CHM: variants seen among roughly 807,000 people sequenced by gnomAD.
The protein encoded by CHM is rab proteins geranylgeranyltransferase component A 1.
Under a neutral mutation model 49.0 loss-of-function variants are expected in CHM, and 10 were observed. The observed-to-expected ratio is 0.20, with a 90% CI of 0.13 to 0.35. CHM has a LOEUF of 0.35. CHM is among the 10% of genes least tolerant of loss of function. The pLI, the probability that CHM is intolerant of heterozygous loss-of-function variation, is 1.00. For synonymous variants in CHM, 184 were observed against 167.5 expected (o/e 1.10, Z -0.76); for missense variants, 455 against 478.4 (o/e 0.95, Z 0.46).
intron 13 of CHM, among the ~76,000 whole-genome samples, chrX:85,875,857 A>G (rs1924384049): frequency 1.8e-5 from 2 of 111,872 alleles, no homozygotes; most frequent in Non-Finnish European, 1.9e-5. Flanking sequence ...CGACTTCAGT[A>G]AAGTTTTAGG....
chrX:85,919,128 A>C, intron 8 of CHM, among the ~76,000 whole-genome samples: 1 of 112,549 alleles, frequency 8.9e-6, no homozygotes, highest in South Asian at 3.7e-4. Flanking sequence ...CATTAGATAA[A>C]ACTTCATATT....
At chrX:85,933,670 T>A in intron 8 of CHM, among the ~76,000 whole-genome samples, 1 of 112,361 alleles carries the variant, frequency 8.9e-6, no homozygotes, top group Middle Eastern at 4.6e-3. Context: ...TCTATGCAGA[T>A]AGGACCACAA....
intron 2 of CHM, among the ~76,000 whole-genome samples, chrX:86,000,636 T>C (rs887555382): frequency 9.0e-6 from 1 of 111,309 alleles, no homozygotes; most frequent in Non-Finnish European, 1.9e-5. Context: ...AGAAATATTG[T>C]ATATATACAC....
chrX:86,039,124 G>A (rs989882241), intron 1 of CHM, among the ~76,000 whole-genome samples: 14 of 112,043 alleles, frequency 1.2e-4, no homozygotes, highest in African/African-American at 1.6e-4. Context: ...GCTTATCACC[G>A]TGCTTGGCAT....
At position 85,978,790 on chromosome X, in the gene CHM, A is replaced by G. The variant is rs746950182; in HGVS notation, c.291T>C (p.His97=). The G allele has an allele frequency of 8.3e-7, 1 of 1,205,650 alleles. No homozygotes were observed. The highest frequency in any genetic ancestry group is 2.2e-5 in the Admixed American group (1 of 45,883). Residue 97 remains histidine, a synonymous_variant, in exon 4 of 15, where the codon CAT becomes CAC. Coordinates refer to ENST00000357749, the MANE Select transcript of CHM (RefSeq NM_000390.4). ...ACCTGGCATAACAAAATACTTCCAC[A>G]TGTTGAATAGTTTTGTCCTTCCTGC... ...ALSRKDKTIQ[H]VEVFCYASQD... is the part of the protein sequence containing the mutation.
intron 2 of CHM, among the ~76,000 whole-genome samples, chrX:85,984,094 C>G (rs1199142674): frequency 9.1e-6 from 1 of 110,031 alleles, no homozygotes; most frequent in East Asian, 2.8e-4. Context: ...CCCAGCTACT[C>G]AGGAGGCTGA....
intron 8 of CHM, among the ~76,000 whole-genome samples, chrX:85,928,165 C>T (rs919254408): frequency 2.7e-5 from 3 of 112,197 alleles, no homozygotes; most frequent in Non-Finnish European, 5.6e-5. Flanking sequence ...TGTGTGGACA[C>T]AATGAAAGTG....
At position 86,047,461 on chromosome X, in the gene CHM, A is replaced by G. The variant is rs766247974; in HGVS notation, c.49+23T>C. The G allele has an allele frequency of 5.0e-6, 6 of 1,196,134 alleles. No homozygotes were observed. In the Admixed American group the frequency reaches 1.3e-4, roughly 26 times the overall value. Reference sequence around the variant, plus strand: ...AAGACAGTCTTCCTAAACTTTGTCCAGGAAGCACCAGGCTACACATACCCG... The same window carrying G: ...AAGACAGTCTTCCTAAACTTTGTCCGGGAAGCACCAGGCTACACATACCCG... On this transcript the variant is annotated intron_variant, in intron 1 of 14. Transcript: ENST00000357749.
chrX:86,030,548 T>C (rs185977743), intron 1 of CHM, among the ~76,000 whole-genome samples: 4 of 110,891 alleles, frequency 3.6e-5, no homozygotes, highest in African/African-American at 1.3e-4. Context: ...TAGTGAGAGG[T>C]TGCCATACGT....
At chrX:85,943,179 C>G (rs1398056204) in intron 8 of CHM, among the ~76,000 whole-genome samples, 1 of 110,073 alleles carries the variant, frequency 9.1e-6, no homozygotes, top group Non-Finnish European at 1.9e-5. Context: ...ATCTACTCAT[C>G]TGACAAAGGG....
At position 85,863,493 on chromosome X, in the gene CHM, T is replaced by C. The variant is rs1301968123; in HGVS notation, c.*1137A>G. 8.9e-6 allele frequency: 1 copy of C among 112,141 alleles called. No individual in the cohort carries two copies. The highest frequency in any genetic ancestry group is 2.8e-4 in the East Asian group (1 of 3,581). 9.2% of individuals were successfully genotyped at this position (112,141 alleles called of 1,213,427 possible). A position where few individuals can be genotyped will look rare whatever the true frequency, so the allele number is the denominator to read the frequency against. On this transcript the variant is annotated 3_prime_UTR_variant, in exon 15 of 15. Coordinates refer to ENST00000357749, the MANE Select transcript of CHM (RefSeq NM_000390.4). ...GAATAAAACAATTTATAGAGTGTTTTCCTTAGTAATATTTCAAAACCACAA... is the reference window on the plus strand; with the variant it reads ...GAATAAAACAATTTATAGAGTGTTTCCCTTAGTAATATTTCAAAACCACAA...
intron 12 of CHM, among the ~76,000 whole-genome samples, chrX:85,880,552 A>G (rs1924700901): frequency 8.9e-6 from 1 of 111,793 alleles, no homozygotes; most frequent in Non-Finnish European, 1.9e-5. Context: ...GAACCTGGAC[A>G]TAAATAAGTA....
At chrX:85,906,018 G>A (rs1268903512) in intron 9 of CHM, among the ~76,000 whole-genome samples, 1 of 111,816 alleles carries the variant, frequency 8.9e-6, no homozygotes, top group Non-Finnish European at 1.9e-5. Flanking sequence ...AAGTTCCTTA[G>A]AACAAAGACC....
chrX:85,945,989 G>A (rs747465087), intron 8 of CHM, among the ~76,000 whole-genome samples: 2 of 112,098 alleles, frequency 1.8e-5, no homozygotes, highest in Admixed American at 9.4e-5. Flanking sequence ...ATGTCCGGGG[G>A]ATCTGTGGAA....
At chrX:86,027,952 AG>A (rs1933899690) in intron 1 of CHM, among the ~76,000 whole-genome samples, 1 of 111,428 alleles carries the variant, frequency 9.0e-6, no homozygotes, top group South Asian at 3.8e-4. Flanking sequence ...TAGTAGAGAC[AG>A]GGTTTCACCA....
intron 11 of CHM, among the ~76,000 whole-genome samples, chrX:85,898,402 G>T (rs1044939543): frequency 4.5e-5 from 5 of 111,688 alleles, no homozygotes; most frequent in Admixed American, 9.5e-5. Context: ...CCCAGCCTTT[G>T]CCTGGACCTT....
intron 4 of CHM, chrX:85,970,222 C>T: frequency 1.4e-6 from 1 of 691,344 alleles, no homozygotes; most frequent in African/African-American, 2.4e-5. Context: ...TATTATGTAT[C>T]AATTTAAAAA....
chrX:85,952,845 G>C (rs1470980662), intron 8 of CHM, among the ~76,000 whole-genome samples: 1 of 112,811 alleles, frequency 8.9e-6, no homozygotes, highest in African/African-American at 3.2e-5. Flanking sequence ...TGCCATGAAG[G>C]GTAAGGCCCA....
At chrX:86,040,742 T>C (rs2147809698) in intron 1 of CHM, among the ~76,000 whole-genome samples, 1 of 112,071 alleles carries the variant, frequency 8.9e-6, no homozygotes, top group South Asian at 3.7e-4. Context: ...CTCATAATCA[T>C]GCTCTAAAAA....
Sources: allele counts gnomAD v4.1 joint callset (sites outside exome capture counted in the v4.1 genomes callset), GRCh38; gene constraint gnomAD v4.1.1; transcripts MANE v1.5; gene names NCBI Gene and HGNC (gene_info 2026-07-23, HGNC 2026-07-21).